The following COL5A1 variants were observed in gnomAD, a reference collection of about 807,000 sequenced individuals.
COL5A1 encodes collagen type V alpha 1 chain, also known as collagen alpha-1(V) chain.
COL5A1 carries 16 observed loss-of-function variants against 263.7 expected under a neutral mutation model. The observed-to-expected ratio is 0.06, with a 90% CI of 0.04 to 0.09. The LOEUF is 0.09. Ranked by LOEUF, COL5A1 falls within the 10% of genes least tolerant of loss-of-function variation. The probability of loss-of-function intolerance (pLI) is 1.00; values close to 1 mark genes in which losing one functional copy is unlikely to be tolerated. For missense variants in COL5A1, 2,036 were observed against 2,540.5 expected, an observed-to-expected ratio of 0.80 and a Z score of 4.27; for synonymous variants, 1,012 against 1,004.5, an observed-to-expected ratio of 1.01 and a Z score of -0.14.
In COL5A1 at chr9:134,809,246, G is replaced by T; in HGVS notation, c.3430G>T (p.Gly1144Cys). The T allele has an allele frequency of 6.2e-7, 1 of 1,608,622 alleles. No individual in the cohort carries two copies. The highest frequency in any genetic ancestry group is 1.1e-5 in the South Asian group (1 of 89,792). ...DGLQGPVGLPGPAGPVGPPGE... is the reference protein window; with the variant it reads ...DGLQGPVGLPCPAGPVGPPGE... ...TCTCCAGGGGCCTGTGGGGCTCCCGGGTCCAGCTGGCCCTGTGGGTCCCCC... is the reference window on the plus strand; with the variant it reads ...TCTCCAGGGGCCTGTGGGGCTCCCGTGTCCAGCTGGCCCTGTGGGTCCCCC... Residue 1144 changes from glycine to cysteine, a missense_variant, in exon 43 of 66, where the codon GGT (glycine) becomes TGT (cysteine). This residue lies in a region of COL5A1 where 1,078 missense variants were observed against 1,521.4 expected (regional missense o/e 0.71). Transcript: ENST00000371817.
At chr9:134,756,707 G>A (rs1274795921) in intron 16 of COL5A1, 58 bp from the exon 17 acceptor site, 25 of 1,555,388 alleles carry the variant, frequency 1.6e-5, no homozygotes, top group African/African-American at 8.1e-5. Context: ...ACCATGGCCC[G>A]GGGGTCTCAG....
chr9:134,724,526 C>G (rs1019575347), intron 4 of COL5A1, among the ~76,000 whole-genome samples: 51 of 152,226 alleles, frequency 3.4e-4, no homozygotes, highest in Non-Finnish European at 5.3e-4. Context: ...CCCACCCGCT[C>G]CATCCAAGTC....
At position 134,802,852 on chromosome 9, in the gene COL5A1, C is replaced by G. The variant is rs73561924; in HGVS notation, c.3007-36C>G. On this transcript the variant is annotated intron_variant, in intron 38 of 65. Transcript: ENST00000371817. ...GATTCTCACTCCCTTGCAAGTCACT[C>G]GAAACGTCTGTGGCTGACACTGATT... 7,806 of 1,492,964 alleles carry G rather than the reference C, an allele frequency of 5.2e-3. 350 individuals carry two copies. The African/African-American group carries it at 0.092, about 18-fold the overall frequency. 92.5% of individuals were successfully genotyped at this position (1,492,964 alleles called of 1,614,324 possible). A position where few individuals can be genotyped will look rare whatever the true frequency, so the allele number is the denominator to read the frequency against.
intron 28 of COL5A1, among the ~76,000 whole-genome samples, chr9:134,781,760 T>C (rs997654458): frequency 2.0e-5 from 3 of 152,152 alleles, no homozygotes; most frequent in African/African-American, 7.2e-5. Flanking sequence ...TCCAGCACTA[T>C]GTGAACACTG....
intron 2 of COL5A1, among the ~76,000 whole-genome samples, chr9:134,694,493 G>A (rs935716189): frequency 1.3e-5 from 2 of 152,350 alleles, no homozygotes; most frequent in East Asian, 3.9e-4. Flanking sequence ...CTCCTCAGGG[G>A]CACCGCCCTC....
intron 65 of COL5A1, among the ~76,000 whole-genome samples, chr9:134,837,428 G>A (rs1418927018): frequency 6.6e-6 from 1 of 152,002 alleles, no homozygotes; most frequent in Non-Finnish European, 1.5e-5. Flanking sequence ...TCCCTAATCT[G>A]GCTAAGAGAG....
At chr9:134,814,320 C>T (rs1838656385) in intron 49 of COL5A1, among the ~76,000 whole-genome samples, 1 of 152,164 alleles carries the variant, frequency 6.6e-6, no homozygotes, top group African/African-American at 2.4e-5. Context: ...GCTGCTGTCA[C>T]CTCGTCCCCC....
chr9:134,738,212 C>T (rs1564422227), intron 9 of COL5A1, among the ~76,000 whole-genome samples: 4 of 152,308 alleles, frequency 2.6e-5, no homozygotes, highest in South Asian at 2.1e-4. Context: ...TCAGGTGCTT[C>T]TCGTGGCGCT....
intron 1 of COL5A1, among the ~76,000 whole-genome samples, chr9:134,654,684 AGCT>A: frequency 3.0e-5 from 1 of 33,588 alleles, no homozygotes; most frequent in Non-Finnish European, 5.6e-5. Context: ...AGGTGTGTAG[AGCT>A]GGTGTGTGTA....
chr9:134,644,663 T>C (rs971115389), intron 1 of COL5A1, among the ~76,000 whole-genome samples: 25 of 152,196 alleles, frequency 1.6e-4, no homozygotes, highest in Non-Finnish European at 3.2e-4. Context: ...GAGGGTTTTC[T>C]GAACACAGTT....
chr9:134,644,966 C>G (rs895976871), intron 1 of COL5A1, among the ~76,000 whole-genome samples: 1 of 152,186 alleles, frequency 6.6e-6, no homozygotes, highest in Non-Finnish European at 1.5e-5. Context: ...CTTTTCCATC[C>G]TCTGCCCCCT....
intron 29 of COL5A1, 118 bp from the exon 30 acceptor site, chr9:134,784,871 C>A: frequency 1.2e-6 from 1 of 808,392 alleles, no homozygotes. Flanking sequence ...GCTGGTGGAG[C>A]AGCTCTGACC....
At chr9:134,834,007 TG>T (rs1447973634) in intron 64 of COL5A1, among the ~76,000 whole-genome samples, 14 of 152,158 alleles carry the variant, frequency 9.2e-5, no homozygotes, top group African/African-American at 2.2e-4. Context: ...AGGACAGCAG[TG>T]GGGGCACCTC....
chr9:134,759,792 CACACACCACACATGCACACACGCAT>C, intron 18 of COL5A1, among the ~76,000 whole-genome samples: 1 of 124,908 alleles, frequency 8.0e-6, no homozygotes, highest in African/African-American at 3.0e-5. Context: ...CACACATGCA[CACACACCACACATGCACACACGCAT>C]ACACACCCAC....
chr9:134,731,874 G>C (rs1834895087), intron 8 of COL5A1, among the ~76,000 whole-genome samples, 197 bp from the exon 9 acceptor site: 1 of 152,232 alleles, frequency 6.6e-6, no homozygotes, highest in Non-Finnish European at 1.5e-5. Context: ...CTCTGGGCCT[G>C]TTTCTTCGTT....
intron 63 of COL5A1, among the ~76,000 whole-genome samples, chr9:134,829,710 G>A (rs13286167): frequency 6.6e-6 from 1 of 151,570 alleles, no homozygotes; most frequent in Non-Finnish European, 1.5e-5. Context: ...CTCCTCACGT[G>A]GCCTCTAGTC....
chr9:134,753,934 T>C, intron 15 of COL5A1, 31 bp downstream of exon 15: 1 of 1,598,328 alleles, frequency 6.3e-7, no homozygotes, highest in Non-Finnish European at 8.6e-7. Context: ...CGCTGTCTGG[T>C]GGGCGCCTCC....
At chr9:134,711,415 T>C (rs2132597439) in intron 4 of COL5A1, among the ~76,000 whole-genome samples, 1 of 152,184 alleles carries the variant, frequency 6.6e-6, no homozygotes, top group South Asian at 2.1e-4. Context: ...GGAAAATCTG[T>C]CTCAGAATCA....
At chr9:134,679,380 GTTAGGGGGCACTGTGGGGCTTC>G (rs1832771925) in intron 1 of COL5A1, among the ~76,000 whole-genome samples, 1 of 111,706 alleles carries the variant, frequency 9.0e-6, no homozygotes, top group Non-Finnish European at 1.8e-5. Flanking sequence ...TGCGGGGCTG[GTTAGGGGGCACTGTGGGGCTTC>G]TTAGGGGGCA....
Sources: allele counts gnomAD v4.1 joint callset (sites outside exome capture counted in the v4.1 genomes callset), GRCh38; gene constraint gnomAD v4.1.1; regional missense constraint gnomAD v4.1.1; transcripts MANE v1.5; gene names NCBI Gene and HGNC (gene_info 2026-07-23, HGNC 2026-07-21).